The following CLEC20A variants were observed in gnomAD, a reference collection of about 807,000 sequenced individuals.
The protein encoded by CLEC20A is C-type lectin domain containing 20A, also known as putative C-type lectin domain family 20 member A.
intron 4 of CLEC20A, among the ~76,000 whole-genome samples, chr1:178,489,189 C>A (rs1558028832): frequency 6.6e-6 from 1 of 151,942 alleles, no homozygotes; most frequent in East Asian, 1.9e-4. Context: ...ATGGCAAAAC[C>A]CCGTCTCTAC....
chr1:178,488,839 G>A (rs1031985761), intron 4 of CLEC20A, among the ~76,000 whole-genome samples: 16 of 152,242 alleles, frequency 1.1e-4, no homozygotes, highest in Admixed American at 2.6e-4. Flanking sequence ...AGGATCATGC[G>A]TCTCATCAAA....
At chr1:178,492,011 C>T (rs769356516) in intron 3 of CLEC20A, among the ~76,000 whole-genome samples, 5 of 152,142 alleles carry the variant, frequency 3.3e-5, no homozygotes, top group Non-Finnish European at 5.9e-5. Context: ...ATGGCCGGCT[C>T]GGTGGCTCAT....
chr1:178,479,713 C>T (rs1648898271), intron 7 of CLEC20A, 98 bp from the exon 8 acceptor site: 3 of 394,720 alleles, frequency 7.6e-6, no homozygotes, highest in Non-Finnish European at 1.3e-5. Flanking sequence ...TATGCATATC[C>T]ATACCCTGTA....
At chr1:178,488,937 G>A (rs1649214562) in intron 4 of CLEC20A, among the ~76,000 whole-genome samples, 1 of 152,116 alleles carries the variant, frequency 6.6e-6, no homozygotes, top group African/African-American at 2.4e-5. Context: ...CGGAGAGGGA[G>A]TGACTTCTAC....
intron 7 of CLEC20A, chr1:178,482,085 A>C (rs1484673582): frequency 2.7e-6 from 1 of 369,016 alleles, no homozygotes; most frequent in Non-Finnish European, 4.7e-6. Flanking sequence ...AAAAAAACAA[A>C]AAAACAACAA....
intron 4 of CLEC20A, among the ~76,000 whole-genome samples, chr1:178,489,137 T>TG (rs1649219331): frequency 6.6e-6 from 1 of 151,780 alleles, no homozygotes; most frequent in African/African-American, 2.4e-5. Context: ...CCAAGGCGGG[T>TG]GGATCACTTG....
At chr1:178,479,054 A>G (rs1296959007), downstream of CLEC20A, 1 of 152,276 alleles carries the variant, frequency 6.6e-6, no homozygotes, top group Non-Finnish European at 1.5e-5. Context: ...AATAACTAGC[A>G]TTAGCATGTA....
intron 5 of CLEC20A, among the ~76,000 whole-genome samples, chr1:178,486,053 A>G (rs1649133355): frequency 6.6e-6 from 1 of 152,212 alleles, no homozygotes; most frequent in South Asian, 2.1e-4. Flanking sequence ...AACTTGCATA[A>G]GGCCACACAG....
chr1:178,489,937 A>G, intron 4 of CLEC20A, 135 bp downstream of exon 4: 1 of 397,450 alleles, frequency 2.5e-6, no homozygotes, highest in Non-Finnish European at 4.4e-6. Context: ...CTGCTCCAGA[A>G]CTCAGTTACC....
chr1:178,492,376 C>T (rs1649286008), intron 3 of CLEC20A, 125 bp downstream of exon 3: 1 of 397,862 alleles, frequency 2.5e-6, no homozygotes, highest in Non-Finnish European at 4.4e-6. Flanking sequence ...TCCCGGACAG[C>T]CAGGCAGAAA....
In CLEC20A at chr1:178,484,895, CTG is replaced by C. The variant is rs1395934596; in HGVS notation, c.929-1615_929-1614del. 3.9e-5 allele frequency among the ~76,000 whole-genome samples: 6 copies of C among 152,010 alleles called. No individual in the cohort carries two copies. In the East Asian group the frequency reaches 7.7e-4, roughly 20 times the overall value. Reference sequence around the variant, plus strand: ...CAGGCCTGGGTTCCACCCACCCAGACTGTGCAATATTCTTTCCCCACACACAC... The same window carrying C: ...CAGGCCTGGGTTCCACCCACCCAGACTGCAATATTCTTTCCCCACACACAC... On this transcript the variant is annotated intron_variant, in intron 5 of 7. Coordinates refer to ENST00000623247, the Ensembl canonical transcript of CLEC20A.
chr1:178,499,274 C>T (rs980222037), upstream of CLEC20A, among the ~76,000 whole-genome samples: 1 of 152,218 alleles, frequency 6.6e-6, no homozygotes, highest in African/African-American at 2.4e-5. Context: ...CAATAAATGG[C>T]AAGCATTATG....
At chr1:178,490,014 T>C (rs2101871551) in intron 4 of CLEC20A, 58 bp downstream of exon 4, 1 of 398,486 alleles carries the variant, frequency 2.5e-6, no homozygotes, top group East Asian at 3.6e-5. Flanking sequence ...TAAACCCATT[T>C]CCCATCTCAT....
chr1:178,482,090 C>CAA (rs771558758), intron 7 of CLEC20A: 5,476 of 366,078 alleles, frequency 0.015, 269 homozygotes, highest in African/African-American at 0.11. Flanking sequence ...AACAAAAAAA[C>CAA]AACAAAAAAA....
intron 5 of CLEC20A, chr1:178,487,014 A>G: frequency 2.5e-6 from 1 of 393,628 alleles, no homozygotes; most frequent in South Asian, 1.4e-4. Flanking sequence ...GCGCTGCTGA[A>G]GCCGGGCCCT....
At chr1:178,485,865 TAATAA>T (rs1164208746) in intron 5 of CLEC20A, among the ~76,000 whole-genome samples, 2 of 152,160 alleles carry the variant, frequency 1.3e-5, no homozygotes, top group Non-Finnish European at 2.9e-5. Context: ...CATTTATGAT[TAATAA>T]AATGAGAATG....
chr1:178,479,736 C>T (rs1482346394), intron 7 of CLEC20A, 121 bp from the exon 8 acceptor site: 1 of 392,532 alleles, frequency 2.5e-6, no homozygotes, highest in South Asian at 1.4e-4. Context: ...TGTTTTTAGC[C>T]TCCCTCCAGC....
intron 5 of CLEC20A, 81 bp downstream of exon 5, chr1:178,488,420 G>A: frequency 2.5e-6 from 1 of 398,434 alleles, no homozygotes; most frequent in Non-Finnish European, 4.4e-6. Context: ...TCTAAGAGGG[G>A]CTTATGGGGC....
At chr1:178,490,812 G>A (rs1479972602) in intron 3 of CLEC20A, among the ~76,000 whole-genome samples, 2 of 152,238 alleles carry the variant, frequency 1.3e-5, no homozygotes, top group African/African-American at 4.8e-5. Flanking sequence ...TATATTAATA[G>A]TAAGCACTTG....
Sources: gnomAD v4.1 joint callset for allele counts (sites outside exome capture counted in the v4.1 genomes callset) on GRCh38, gnomAD v4.1.1 for gene constraint, MANE v1.5 for transcripts, NCBI Gene and HGNC (gene_info 2026-07-23, HGNC 2026-07-21) for gene names.